The following SPSB1 variants were observed in gnomAD, a reference collection of about 807,000 sequenced individuals.
The protein encoded by SPSB1 is splA/ryanodine receptor domain and SOCS box containing 1, also known as SPRY domain-containing SOCS box protein 1.
SPSB1 carries 8 observed loss-of-function variants against 21.2 expected under a neutral mutation model. The observed-to-expected ratio is 0.38, with a 90% CI of 0.22 to 0.68. The LOEUF (loss-of-function observed/expected upper bound fraction) is 0.68, where lower values mean the gene tolerates loss of function less well. Ranked by LOEUF, SPSB1 falls within the 30% of genes least tolerant of loss-of-function variation. The pLI is 0.53. For missense variants in SPSB1, 242 were observed against 377.8 expected (o/e 0.64, Z 2.98); for synonymous variants, 169 against 161.7 (o/e 1.05, Z -0.34).
chr1:9,321,349 G>A lies in SPSB1; in HGVS notation c.-150+28278G>A, dbSNP rs1037680089. On this transcript the variant is annotated intron_variant, in intron 1 of 2. Coordinates refer to ENST00000328089, the MANE Select transcript of SPSB1 (RefSeq NM_025106.4). This position sits in a 1 kb window ranked among gnomAD's most constrained non-coding sequence, Gnocchi z 4.8. ...CGTGTGTGTGGTGGAGCTCTAGACA[G>A]CCCGATGGCAGGGGGTGGGCTCCGA... 8.5e-5 allele frequency among the ~76,000 whole-genome samples: 13 copies of A among 152,150 alleles called. No individual in the cohort carries two copies. Among genetic ancestry groups the A allele is most frequent in the African/African-American group, 3.1e-4 (13 of 41,424 alleles).
chr1:9,360,206 G>A (rs77856416), intron 2 of SPSB1, among the ~76,000 whole-genome samples: 15,123 of 144,390 alleles, frequency 0.1, 1,017 homozygotes, highest in East Asian at 0.31. Flanking sequence ...TAGAGGCCAG[G>A]AGGGTGGGGG....
At chr1:9,360,529 G>A (rs904873072) in intron 2 of SPSB1, among the ~76,000 whole-genome samples, 4 of 152,142 alleles carry the variant, frequency 2.6e-5, no homozygotes, top group African/African-American at 4.8e-5. Context: ...GGATGGTAGC[G>A]GGCTCGACTG....
rs947669949 is a variant in SPSB1, at chr1:9,346,547, G to T, written c.-149-9196G>T. On this transcript the variant is annotated intron_variant, in intron 1 of 2. Coordinates refer to ENST00000328089, the MANE Select transcript of SPSB1 (RefSeq NM_025106.4). The surrounding 1 kb of genome is among the most constrained non-coding windows in gnomAD (Gnocchi z 4.4). ...GTAATTTTTAGAGGAAGCAAGGCTC[G>T]GGAACAATTGATCTGAAAGCATTTT... Among the ~76,000 whole-genome samples, 1 of 152,182 alleles carries T rather than the reference G, an allele frequency of 6.6e-6. No homozygotes were observed. The highest frequency in any genetic ancestry group is 2.1e-4 in the South Asian group (1 of 4,820).
At chr1:9,295,403 A>G (rs937328692) in intron 1 of SPSB1, among the ~76,000 whole-genome samples, 3 of 152,210 alleles carry the variant, frequency 2.0e-5, no homozygotes, top group African/African-American at 7.2e-5. Flanking sequence ...GGCGGGTGCC[A>G]TGCCGGCTTA....
chr1:9,359,378 C>T (rs1057007778), intron 2 of SPSB1, among the ~76,000 whole-genome samples: 5 of 152,292 alleles, frequency 3.3e-5, no homozygotes, highest in East Asian at 1.9e-4. Flanking sequence ...CACCTCTGGA[C>T]GCTTATTGAG....
rs1553128958 is a variant in SPSB1 at position 9,361,156 on chromosome 1, C to CCTTT, written c.694+4571_694+4572insCTTT. Among the ~76,000 whole-genome samples the CCTTT allele has an allele frequency of 4.6e-4, 47 of 102,574 alleles. 19 individuals are homozygous for CCTTT. Among genetic ancestry groups the CCTTT allele is most frequent in the South Asian group, 6.7e-4 (2 of 2,994 alleles). The allele number at this position is 102,574 out of a possible 152,430, so 67.3% of individuals were successfully genotyped here. A position where few individuals can be genotyped will look rare whatever the true frequency, so the allele number is the denominator to read the frequency against. ...CAGGCATGGCTGGATCTGTCATTTT[C>CCTTT]TTTTTTTTTTTTTTTTTTTTTTTTT... On this transcript the variant is annotated intron_variant, in intron 2 of 2. Transcript: ENST00000328089.
intron 1 of SPSB1, among the ~76,000 whole-genome samples, chr1:9,307,951 G>A (rs561179804): frequency 1.3e-5 from 2 of 152,278 alleles, no homozygotes; most frequent in East Asian, 3.9e-4. Flanking sequence ...GGTGCCCCAT[G>A]GGGACCGACC....
At chr1:9,304,929 G>T (rs1038005386) in intron 1 of SPSB1, among the ~76,000 whole-genome samples, 2 of 152,130 alleles carry the variant, frequency 1.3e-5, no homozygotes, top group African/African-American at 4.8e-5. Flanking sequence ...CAAAGTGCTA[G>T]GATTATGGGC....
intron 1 of SPSB1, among the ~76,000 whole-genome samples, chr1:9,343,572 G>C (rs1311744693): frequency 6.6e-6 from 1 of 152,206 alleles, no homozygotes; most frequent in East Asian, 1.9e-4. Flanking sequence ...CAGTAAAGAA[G>C]TTTAAAAGGC....
rs1639774872 is a variant in SPSB1, at chr1:9,324,220, G to T, written c.-150+31149G>T. ...GGACACCTCTGACGCAGCTGGAATG[G>T]GCCTAGGTGGGAGGGACTTTGTCTT... On this transcript the variant is annotated intron_variant, in intron 1 of 2. Transcript: ENST00000328089. The surrounding 1 kb of genome is among the most constrained non-coding windows in gnomAD (Gnocchi z 4.3). 6.6e-6 allele frequency among the ~76,000 whole-genome samples: 1 copy of T among 152,186 alleles called. No homozygotes were observed. Among genetic ancestry groups the T allele is most frequent in the African/African-American group, 2.4e-5 (1 of 41,438 alleles).
rs1474039122 is a variant in SPSB1, at chr1:9,317,306, GGT to G, written c.-150+24237_-150+24238del. On this transcript the variant is annotated intron_variant, in intron 1 of 2. Coordinates refer to ENST00000328089, the MANE Select transcript of SPSB1 (RefSeq NM_025106.4). This position sits in a 1 kb window ranked among gnomAD's most constrained non-coding sequence, Gnocchi z 4.3. ...AAGGGAATAAATGTCACTGGCGGAAGGTGGCATGTGTGTGCAAAACCACTGGG... is the reference window on the plus strand; with the variant it reads ...AAGGGAATAAATGTCACTGGCGGAAGGGCATGTGTGTGCAAAACCACTGGG... Among the ~76,000 whole-genome samples, 7 of 152,134 alleles carry G rather than the reference GGT, an allele frequency of 4.6e-5. No individual in the cohort carries two copies. Among genetic ancestry groups the G allele is most frequent in the Non-Finnish European group, 1.0e-4 (7 of 68,024 alleles).
intron 2 of SPSB1, among the ~76,000 whole-genome samples, chr1:9,366,614 G>A (rs548877449): frequency 1.7e-4 from 25 of 145,034 alleles, no homozygotes; most frequent in Admixed American, 2.1e-4. Flanking sequence ...TTGCTCTGTC[G>A]CCCAGCTAGA....
chr1:9,357,113 G>GTGGA (rs1412659733), intron 2 of SPSB1, among the ~76,000 whole-genome samples: 3 of 88,582 alleles, frequency 3.4e-5, no homozygotes, highest in East Asian at 4.9e-4. Flanking sequence ...GGATGGATGA[G>GTGGA]TGGATGGATG....
At chr1:9,353,119 G>A (rs1345818362) in intron 1 of SPSB1, among the ~76,000 whole-genome samples, 1 of 152,098 alleles carries the variant, frequency 6.6e-6, no homozygotes, top group East Asian at 1.9e-4. Context: ...TGGAGGGGGT[G>A]TCCAGACAGA....
intron 1 of SPSB1, among the ~76,000 whole-genome samples, chr1:9,304,296 C>G (rs1398079695): frequency 6.6e-6 from 1 of 152,194 alleles, no homozygotes; most frequent in East Asian, 1.9e-4. Context: ...GAGCCACACT[C>G]CTGGCTCCCC....
intron 1 of SPSB1, among the ~76,000 whole-genome samples, chr1:9,299,878 G>C (rs1011317142): frequency 6.7e-6 from 1 of 149,838 alleles, no homozygotes; most frequent in Admixed American, 6.7e-5. Context: ...TGGGAGGATC[G>C]CTTGAGCCTA....
At chr1:9,323,008 G>T (rs1163951970) in intron 1 of SPSB1, among the ~76,000 whole-genome samples, 1 of 152,214 alleles carries the variant, frequency 6.6e-6, no homozygotes, top group African/African-American at 2.4e-5. Context: ...TGACCCAGAT[G>T]TGACCTTCCC....
At chr1:9,359,258 G>A (rs1355015093) in intron 2 of SPSB1, among the ~76,000 whole-genome samples, 1 of 152,222 alleles carries the variant, frequency 6.6e-6, no homozygotes, top group South Asian at 2.1e-4. Context: ...TCGTTCTTGG[G>A]ACACCGAGCA....
intron 1 of SPSB1, among the ~76,000 whole-genome samples, chr1:9,297,591 C>T (rs1235389813): frequency 1.3e-5 from 2 of 151,974 alleles, no homozygotes; most frequent in African/African-American, 4.8e-5. Flanking sequence ...TGGATCTGGC[C>T]GAATTTATGG....
Sources: gnomAD v4.1 joint callset for allele counts (sites outside exome capture counted in the v4.1 genomes callset) on GRCh38, gnomAD v4.1.1 for gene constraint, Gnocchi (gnomAD v3.1) non-coding constraint, MANE v1.5 for transcripts, NCBI Gene and HGNC (gene_info 2026-07-23, HGNC 2026-07-21) for gene names.